The following DLG2 variants were observed in gnomAD, a reference collection of about 807,000 sequenced individuals.
DLG2 encodes the protein disks large homolog 2.
DLG2 carries 45 observed loss-of-function variants against 132.5 expected under a neutral mutation model. The ratio of observed to expected loss-of-function variants is 0.34; its 90% CI spans 0.27 to 0.44. DLG2 has a LOEUF of 0.44. Ranked by LOEUF, DLG2 falls within the 20% of genes least tolerant of loss-of-function variation. DLG2 has a pLI of 1.00. For missense variants in DLG2, 1,045 were observed against 1,196.9 expected (o/e 0.87, Z 1.87); for synonymous variants, 424 against 419.6 (o/e 1.01, Z -0.13).
At chr11:85,459,709 G>C (rs2092542617) in intron 3 of DLG2, among the ~76,000 whole-genome samples, 1 of 152,178 alleles carries the variant, frequency 6.6e-6, no homozygotes, top group African/African-American at 2.4e-5. Context: ...CACACCAAGA[G>C]TGGTTAGGGT....
At chr11:83,942,415 G>A (rs2082865334) in intron 14 of DLG2, among the ~76,000 whole-genome samples, 1 of 152,122 alleles carries the variant, frequency 6.6e-6, no homozygotes, top group African/African-American at 2.4e-5. Flanking sequence ...ATTTTACTTA[G>A]TAGAGAATGA....
At chr11:85,591,752 G>T (rs953818567) in intron 3 of DLG2, among the ~76,000 whole-genome samples, 2 of 152,006 alleles carry the variant, frequency 1.3e-5, no homozygotes, top group Admixed American at 6.6e-5. Context: ...AAAAAAAGAA[G>T]GAGAAAGCTG....
intron 6 of DLG2, among the ~76,000 whole-genome samples, chr11:84,908,618 C>T (rs1290570326): frequency 6.6e-6 from 1 of 151,756 alleles, no homozygotes; most frequent in African/African-American, 2.4e-5. Context: ...CTTATTTAGA[C>T]CTCATCGGAA....
intron 14 of DLG2, among the ~76,000 whole-genome samples, chr11:83,941,549 T>C (rs141259330): frequency 0.076 from 11,499 of 151,766 alleles, 591 homozygotes; most frequent in Non-Finnish European, 0.11. Flanking sequence ...GTGCGTGCCC[T>C]CATGACTGGC....
At chr11:84,402,294 C>A (rs2098832219) in intron 7 of DLG2, among the ~76,000 whole-genome samples, 1 of 152,104 alleles carries the variant, frequency 6.6e-6, no homozygotes, top group African/African-American at 2.4e-5. Flanking sequence ...CCCTCTCAAT[C>A]CTCTACCACA....
At chr11:84,142,943 A>G (rs1194613185) in intron 9 of DLG2, among the ~76,000 whole-genome samples, 1 of 152,086 alleles carries the variant, frequency 6.6e-6, no homozygotes, top group East Asian at 1.9e-4. Context: ...TCATATATAT[A>G]TATATGTCCT....
intron 11 of DLG2, among the ~76,000 whole-genome samples, chr11:84,000,417 T>C (rs2094284756): frequency 1.3e-5 from 2 of 151,818 alleles, no homozygotes; most frequent in Non-Finnish European, 2.9e-5. Context: ...TCTCAGAAGA[T>C]GAAGAAAGGA....
intron 6 of DLG2, among the ~76,000 whole-genome samples, chr11:84,571,650 A>G (rs114284940): frequency 2.5e-3 from 381 of 152,112 alleles, no homozygotes; most frequent in African/African-American, 8.5e-3. Context: ...CTTTTTTTCT[A>G]CACAGTTTCA....
chr11:84,764,937 C>T (rs1301964236), intron 6 of DLG2, among the ~76,000 whole-genome samples: 1 of 151,864 alleles, frequency 6.6e-6, no homozygotes, highest in Non-Finnish European at 1.5e-5. Flanking sequence ...TTAGATTTGA[C>T]CCAATAGGTG....
intron 11 of DLG2, among the ~76,000 whole-genome samples, chr11:84,015,012 G>T (rs943130134): frequency 1.3e-5 from 2 of 151,740 alleles, no homozygotes; most frequent in African/African-American, 2.4e-5. Context: ...CCAAAAAATT[G>T]TTCCCAAAGA....
At chr11:85,505,520 T>C (rs1457006390) in intron 3 of DLG2, among the ~76,000 whole-genome samples, 1 of 152,204 alleles carries the variant, frequency 6.6e-6, no homozygotes, top group African/African-American at 2.4e-5. Context: ...ATGAATTACA[T>C]TTATTGATTT....
chr11:84,985,937 T>C (rs2056417879), intron 6 of DLG2, among the ~76,000 whole-genome samples: 1 of 122,968 alleles, frequency 8.1e-6, no homozygotes, highest in Non-Finnish European at 1.6e-5. Context: ...GGCTGCAGTG[T>C]GCCACGATTG....
At chr11:85,062,774 A>G (rs918196478) in intron 6 of DLG2, among the ~76,000 whole-genome samples, 5 of 151,928 alleles carry the variant, frequency 3.3e-5, no homozygotes, top group African/African-American at 1.2e-4. Context: ...GGCATTTTGC[A>G]TGTATCTGCT....
At chr11:83,577,497 T>A (rs534307350) in intron 19 of DLG2, among the ~76,000 whole-genome samples, 52 of 127,452 alleles carry the variant, frequency 4.1e-4, no homozygotes, top group South Asian at 1.3e-3. Context: ...TATATATATA[T>A]AATAGGATAT....
At chr11:85,467,103 T>C (rs2092816779) in intron 3 of DLG2, among the ~76,000 whole-genome samples, 1 of 152,208 alleles carries the variant, frequency 6.6e-6, no homozygotes, top group Non-Finnish European at 1.5e-5. Flanking sequence ...ATGATTTGGC[T>C]CTCTGTTTGT....
chr11:85,229,632 AC>A (rs1397136651), intron 4 of DLG2, among the ~76,000 whole-genome samples: 1 of 152,104 alleles, frequency 6.6e-6, no homozygotes, highest in East Asian at 1.9e-4. Flanking sequence ...CAGCAATCCC[AC>A]TAGGGGGTAT....
At chr11:83,476,625 T>C (rs1398670380) in intron 22 of DLG2, among the ~76,000 whole-genome samples, 2 of 152,118 alleles carry the variant, frequency 1.3e-5, no homozygotes, top group East Asian at 3.9e-4. Flanking sequence ...TGTTGTTGTT[T>C]GTATTAACTT....
intron 7 of DLG2, among the ~76,000 whole-genome samples, chr11:84,522,190 AAAAAG>A (rs1287412448): frequency 1.3e-5 from 2 of 152,156 alleles, no homozygotes; most frequent in African/African-American, 2.4e-5. Flanking sequence ...ACAAAAAAAA[AAAAAG>A]AAAAGAAAAG....
intron 18 of DLG2, among the ~76,000 whole-genome samples, chr11:83,717,898 A>C (rs1043697528): frequency 2.0e-5 from 3 of 152,166 alleles, no homozygotes; most frequent in African/African-American, 7.2e-5. Flanking sequence ...CCTTTGGGTT[A>C]TATCTTTTCT....
Sources: allele counts gnomAD v4.1 joint callset (sites outside exome capture counted in the v4.1 genomes callset), GRCh38; gene constraint gnomAD v4.1.1; transcripts MANE v1.5; gene names NCBI Gene and HGNC (gene_info 2026-07-23, HGNC 2026-07-21).